Variants in SPOCK1 observed in about 807,000 individuals in gnomAD.
SPOCK1 encodes the protein SPARC (osteonectin), cwcv and kazal like domains proteoglycan 1, also known as testican-1.
SPOCK1 carries 23 observed loss-of-function variants against 55.3 expected under a neutral mutation model. The ratio of observed to expected loss-of-function variants is 0.42; its 90% CI spans 0.30 to 0.59. The LOEUF (loss-of-function observed/expected upper bound fraction) is 0.59. SPOCK1 is among the 20% of genes least tolerant of loss of function. The probability of loss-of-function intolerance (pLI) is 0.22; values close to 1 mark genes in which losing one functional copy is unlikely to be tolerated. For missense variants in SPOCK1, 499 were observed against 552.5 expected (o/e 0.90, Z 0.97); for synonymous variants, 226 against 221.0 (o/e 1.02, Z -0.20).
intron 4 of SPOCK1, among the ~76,000 whole-genome samples, chr5:137,133,562 G>A (rs557088328): frequency 4.8e-4 from 73 of 152,074 alleles, no homozygotes; most frequent in African/African-American, 1.6e-3. Flanking sequence ...CTAATCAATA[G>A]TCTTCGTTTC....
chr5:137,436,376 A>G (rs1752865379), intron 2 of SPOCK1, among the ~76,000 whole-genome samples: 1 of 152,178 alleles, frequency 6.6e-6, no homozygotes, highest in South Asian at 2.1e-4. Context: ...AACTTAGAAT[A>G]TATTAAATAA....
intron 5 of SPOCK1, among the ~76,000 whole-genome samples, chr5:137,103,333 G>A (rs1287454312): frequency 6.6e-5 from 10 of 152,188 alleles, no homozygotes; most frequent in Admixed American, 6.5e-4. Context: ...TGGATACATT[G>A]CTGCCTGTAA....
At chr5:137,218,571 C>T (rs181617819) in intron 3 of SPOCK1, among the ~76,000 whole-genome samples, 1 of 152,292 alleles carries the variant, frequency 6.6e-6, no homozygotes, top group Admixed American at 6.5e-5. Context: ...AAAAGAACAA[C>T]AATGCCACTT....
chr5:137,314,355 C>T (rs1757840190), intron 2 of SPOCK1, among the ~76,000 whole-genome samples: 1 of 152,158 alleles, frequency 6.6e-6, no homozygotes, highest in East Asian at 1.9e-4. Context: ...GCTACCATCT[C>T]TGCACTCTAG....
intron 3 of SPOCK1, among the ~76,000 whole-genome samples, chr5:137,207,994 C>T (rs562260927): frequency 6.6e-6 from 1 of 152,106 alleles, no homozygotes; most frequent in East Asian, 1.9e-4. Flanking sequence ...ACATACAATC[C>T]CCAGCAACAT....
At chr5:137,459,930 G>A (rs979031020) in intron 2 of SPOCK1, among the ~76,000 whole-genome samples, 1 of 152,172 alleles carries the variant, frequency 6.6e-6, no homozygotes, top group Non-Finnish European at 1.5e-5. Flanking sequence ...AGGTATGCTA[G>A]GAGAAGGGGC....
At chr5:137,122,940 T>G (rs1175496258) in intron 4 of SPOCK1, among the ~76,000 whole-genome samples, 1 of 152,218 alleles carries the variant, frequency 6.6e-6, no homozygotes, top group African/African-American at 2.4e-5. Context: ...CTGGGAGGGC[T>G]GGGTGTGATT....
At chr5:136,999,568 A>C (rs1224604077) in intron 6 of SPOCK1, among the ~76,000 whole-genome samples, 2 of 152,184 alleles carry the variant, frequency 1.3e-5, no homozygotes, top group Non-Finnish European at 2.9e-5. Context: ...GTCTCAGCTC[A>C]TTGATGACTT....
At chr5:137,467,170 G>T (rs146589585) in intron 2 of SPOCK1, among the ~76,000 whole-genome samples, 1 of 152,352 alleles carries the variant, frequency 6.6e-6, no homozygotes, top group African/African-American at 2.4e-5. Flanking sequence ...GTGAGAGAGG[G>T]CACACAAGCT....
chr5:137,145,208 T>G lies in SPOCK1; in HGVS notation c.233-4514A>C, dbSNP rs535987666. Among the ~76,000 whole-genome samples, 5 of 152,378 alleles carry G rather than the reference T, an allele frequency of 3.3e-5. No homozygotes were observed. The East Asian group carries it at 9.6e-4, about 29-fold the overall frequency. ...GAATGAATTAATTTAAAGAGATTTGTTAAGCTGTAAAGCATTGAATTCAAA... is the reference window on the plus strand; with the variant it reads ...GAATGAATTAATTTAAAGAGATTTGGTAAGCTGTAAAGCATTGAATTCAAA... On this transcript the variant is annotated intron_variant, in intron 3 of 10. Coordinates refer to ENST00000394945, the MANE Select transcript of SPOCK1 (RefSeq NM_004598.4).
chr5:137,453,954 A>T (rs920531602), intron 2 of SPOCK1, among the ~76,000 whole-genome samples: 2 of 152,146 alleles, frequency 1.3e-5, no homozygotes, highest in African/African-American at 4.8e-5. Context: ...TGCATGGATA[A>T]ATGCAAATGC....
At chr5:137,207,534 C>A (rs880040) in intron 3 of SPOCK1, among the ~76,000 whole-genome samples, 60,260 of 152,024 alleles carry the variant, frequency 0.4, 13,097 homozygotes, top group Non-Finnish European at 0.48. Flanking sequence ...AACAATAGGT[C>A]CCCTGGGTTG....
At chr5:137,196,391 C>G (rs1755299428) in intron 3 of SPOCK1, among the ~76,000 whole-genome samples, 1 of 152,230 alleles carries the variant, frequency 6.6e-6, no homozygotes, top group Non-Finnish European at 1.5e-5. Flanking sequence ...AGGATGAGGA[C>G]AGTACTCCAC....
At chr5:137,405,958 G>A (rs186578926) in intron 2 of SPOCK1, among the ~76,000 whole-genome samples, 9 of 152,304 alleles carry the variant, frequency 5.9e-5, no homozygotes, top group African/African-American at 1.9e-4. Context: ...AGGGGAAAGA[G>A]AAAACAGAAG....
chr5:137,322,579 A>G (rs1345807327), intron 2 of SPOCK1, among the ~76,000 whole-genome samples: 1 of 152,186 alleles, frequency 6.6e-6, no homozygotes, highest in Non-Finnish European at 1.5e-5. Flanking sequence ...GAATTTTTGT[A>G]TGTGACTGAA....
At chr5:137,237,321 G>A (rs1245587534) in intron 3 of SPOCK1, among the ~76,000 whole-genome samples, 1 of 152,102 alleles carries the variant, frequency 6.6e-6, no homozygotes, top group Non-Finnish European at 1.5e-5. Context: ...AGAGGCAGAG[G>A]ACTAAGAGTG....
At chr5:137,449,839 T>C (rs1340678817) in intron 2 of SPOCK1, among the ~76,000 whole-genome samples, 4 of 125,106 alleles carry the variant, frequency 3.2e-5, no homozygotes, top group Non-Finnish European at 4.6e-5. Context: ...TGAGCTATGA[T>C]CATAGCCACT....
At chr5:136,991,620 A>G (rs1481024852) in intron 7 of SPOCK1, among the ~76,000 whole-genome samples, 2 of 152,332 alleles carry the variant, frequency 1.3e-5, no homozygotes, top group East Asian at 3.9e-4. Flanking sequence ...GTGTTTTTAT[A>G]TTTTGACCAA....
chr5:137,411,956 C>T (rs1752216495), intron 2 of SPOCK1, among the ~76,000 whole-genome samples: 1 of 152,164 alleles, frequency 6.6e-6, no homozygotes, highest in African/African-American at 2.4e-5. Flanking sequence ...AAAAGGTCCG[C>T]GTGGCTATCA....
Sources: allele counts gnomAD v4.1 joint callset (sites outside exome capture counted in the v4.1 genomes callset), GRCh38; gene constraint gnomAD v4.1.1; transcripts MANE v1.5; gene names NCBI Gene and HGNC (gene_info 2026-07-23, HGNC 2026-07-21).